MEGF6: variants seen among roughly 807,000 people sequenced by gnomAD.
MEGF6 encodes the protein multiple EGF like domains 6.
MEGF6 carries 184 observed loss-of-function variants against 207.1 expected under a neutral mutation model. That is an observed-to-expected ratio of 0.89 (90% CI 0.79 to 1.00). MEGF6 has a LOEUF of 1.00. MEGF6 is among the 50% of genes least tolerant of loss of function. The pLI, the probability that MEGF6 is intolerant of heterozygous loss-of-function variation, is 0.00. For missense variants in MEGF6, 2,282 were observed against 2,202.9 expected (o/e 1.04, Z -0.72); for synonymous variants, 1,038 against 910.0 (o/e 1.14, Z -2.53).
At chr1:3,492,433 G>A (rs573559482) in intron 35 of MEGF6, among the ~76,000 whole-genome samples, 1 of 152,168 alleles carries the variant, frequency 6.6e-6, no homozygotes, top group East Asian at 1.9e-4. Context: ...CTGGTTAAGT[G>A]ACTGTGAAGC....
chr1:3,519,760 G>C (rs369035683), intron 5 of MEGF6, among the ~76,000 whole-genome samples: 1 of 152,230 alleles, frequency 6.6e-6, no homozygotes. Context: ...CTCCCCTCCC[G>C]GGCCGGGCCT....
At chr1:3,596,156 G>A (rs548897050) in intron 2 of MEGF6, among the ~76,000 whole-genome samples, 24 of 152,164 alleles carry the variant, frequency 1.6e-4, no homozygotes, top group African/African-American at 4.1e-4. Flanking sequence ...AGGGCTTCCC[G>A]GAGGCAGTGT....
chr1:3,530,054 G>A (rs560931188), intron 4 of MEGF6, among the ~76,000 whole-genome samples: 1 of 152,342 alleles, frequency 6.6e-6, no homozygotes, highest in African/African-American at 2.4e-5. Context: ...CCCAGCTCCC[G>A]AGCGCCCAGC....
In MEGF6 at chr1:3,611,389, G is replaced by T; in HGVS notation, c.-121C>A. The stretch of plus-strand genomic sequence containing the variant: ...CAGGTGCCCGCGCCCGCTCCGCGGA[G>T]CCCAAGGTCGCTGCAGGTGCGGAGC... On this transcript the variant is annotated 5_prime_UTR_variant, in exon 1 of 37. Transcript: ENST00000356575. 1.6e-6 allele frequency: 2 copies of T among 1,278,148 alleles called. No homozygotes were observed. Among genetic ancestry groups the T allele is most frequent in the East Asian group, 3.2e-5 (1 of 31,422 alleles). The allele number at this position is 1,278,148 out of a possible 1,614,324, so 79.2% of individuals were successfully genotyped here. A position where few individuals can be genotyped will look rare whatever the true frequency, so the allele number is the denominator to read the frequency against.
Position 3,493,846 on chromosome 1 carries a change from C to G in MEGF6, c.4312G>C (p.Gly1438Arg), listed in dbSNP as rs61910697. ...GTGACAGGGTCACAGGGTGCCCCCC[C>G]GTCACAGTCACAGCGCTGGTGGCAG... ...EGCHQRCDCDGGAPCDPVTGL... is the reference protein window; with the variant it reads ...EGCHQRCDCDRGAPCDPVTGL... The change falls in exon 34 of 37, where the codon GGG becomes CGG. Residue 1438 changes from glycine to arginine, a missense_variant. Coordinates refer to ENST00000356575, the MANE Select transcript of MEGF6 (RefSeq NM_001409.4). The G allele has an allele frequency of 6.2e-7, 1 of 1,603,406 alleles. No individual in the cohort carries two copies. The highest frequency in any genetic ancestry group is 8.5e-7 in the Non-Finnish European group (1 of 1,175,816).
chr1:3,559,764 C>G (rs1643138781), intron 4 of MEGF6, among the ~76,000 whole-genome samples: 2 of 152,270 alleles, frequency 1.3e-5, no homozygotes, highest in South Asian at 2.1e-4. Flanking sequence ...GTAATCCCAA[C>G]ACTTCGGGAG....
chr1:3,590,568 C>T (rs552347218), intron 3 of MEGF6, among the ~76,000 whole-genome samples: 3 of 152,308 alleles, frequency 2.0e-5, no homozygotes, highest in East Asian at 1.9e-4. Context: ...GCCAGTCTCA[C>T]GGGCGTTAGC....
chr1:3,515,682 C>G (rs561954942), intron 5 of MEGF6, among the ~76,000 whole-genome samples, 155 bp from the exon 6 acceptor site: 2 of 152,264 alleles, frequency 1.3e-5, no homozygotes, highest in Non-Finnish European at 2.9e-5. Context: ...TCATCTCCAT[C>G]GTCACACGCT....
chr1:3,492,722 T>C lies in MEGF6; in HGVS notation c.4433A>G (p.Asp1478Gly). 1 of 1,612,572 alleles carries C rather than the reference T, an allele frequency of 6.2e-7. No homozygotes were observed. Among genetic ancestry groups the C allele is most frequent in the South Asian group, 1.1e-5 (1 of 91,078 alleles). Residue 1478 changes from aspartate (D) to glycine (G), a missense_variant, in exon 35 of 37, where the codon GAC (aspartate) becomes GGC (glycine). Physicochemically the swap from Asp to Gly is moderately conservative, Grantham distance 94 (BLOSUM62 -1). Coordinates refer to ENST00000356575, the MANE Select transcript of MEGF6 (RefSeq NM_001409.4). ...QFGPSCTLHC[D>G]CGGGADCDPV... is the part of the protein sequence containing the mutation. ...GTCGCAGTCAGCCCCACCCCCGCAG[T>C]CACAGTGCAGGGTGCAGCTGGGCCC...
At chr1:3,598,384 G>A (rs758359351) in intron 2 of MEGF6, among the ~76,000 whole-genome samples, 1 of 152,216 alleles carries the variant, frequency 6.6e-6, no homozygotes, top group Non-Finnish European at 1.5e-5. Flanking sequence ...CTCTGGGAGC[G>A]CCTTGCAAAC....
intron 2 of MEGF6, among the ~76,000 whole-genome samples, chr1:3,599,036 A>G (rs1403764395): frequency 6.6e-6 from 1 of 152,068 alleles, no homozygotes; most frequent in African/African-American, 2.4e-5. Flanking sequence ...TGGAGCACCC[A>G]TCACCCCGCG....
intron 33 of MEGF6, 29 bp from the exon 34 acceptor site, chr1:3,493,928 C>A (rs781090176): frequency 1.3e-6 from 2 of 1,582,328 alleles, no homozygotes; most frequent in African/African-American, 2.7e-5. Context: ...TCAGTGTCCC[C>A]CTCCTGTCCT....
chr1:3,620,561 A>G, the MEGF6 span, among the ~76,000 whole-genome samples: 1 of 152,230 alleles, frequency 6.6e-6, no homozygotes, highest in Non-Finnish European at 1.5e-5. Context: ...GCAGGGGCAG[A>G]GCCCTCATGG....
intron 25 of MEGF6, 38 bp downstream of exon 25, chr1:3,498,660 T>C (rs1295624836): frequency 2.0e-6 from 3 of 1,527,018 alleles, no homozygotes; most frequent in South Asian, 2.4e-5. Context: ...GCACCAAGCA[T>C]GCTGGGGTAT....
chr1:3,498,596 C>T (rs1266005858), intron 25 of MEGF6, 97 bp from the exon 26 acceptor site: 6 of 1,483,212 alleles, frequency 4.0e-6, no homozygotes, highest in Non-Finnish European at 5.4e-6. Context: ...GAAGCCTACA[C>T]CCCAGGGCGC....
intron 3 of MEGF6, among the ~76,000 whole-genome samples, chr1:3,581,982 G>T (rs974699058): frequency 2.0e-5 from 3 of 149,482 alleles, no homozygotes; most frequent in African/African-American, 7.3e-5. Flanking sequence ...AAGGGGAAAA[G>T]GGGCGTGCTT....
In MEGF6 at chr1:3,494,377, C is replaced by T. The variant is rs1480335017; in HGVS notation, c.4123G>A (p.Glu1375Lys). The change falls in exon 32 of 37, where the codon GAG becomes AAG. Residue 1375 changes from glutamate (E) to lysine (K), a missense_variant. By Grantham distance (56) the Glu-to-Lys change is moderately conservative. Coordinates refer to ENST00000356575, the MANE Select transcript of MEGF6 (RefSeq NM_001409.4). ...GCACAGGCCCCCAACTCACGGTGCT[C>T]GCAGGCCTGGCCATAGAAGCCGGGG... ...CGPGFYGQAC[E>K]HPCPPGFHGA... is the part of the protein sequence containing the mutation. The T allele has an allele frequency of 9.1e-6, 14 of 1,543,016 alleles. No individual in the cohort carries two copies. Among genetic ancestry groups the T allele is most frequent in the Non-Finnish European group, 1.1e-5 (13 of 1,148,562 alleles).
chr1:3,513,577 C>CTTTT (rs757815891), intron 7 of MEGF6, among the ~76,000 whole-genome samples: 1 of 56,540 alleles, frequency 1.8e-5, no homozygotes, highest in Non-Finnish European at 3.3e-5. Flanking sequence ...CACACCTGGG[C>CTTTT]TTTTTTTTTT....
At position 3,498,736 on chromosome 1, in the gene MEGF6, G is replaced by C; in HGVS notation, c.3185C>G (p.Ala1062Gly). The C allele has an allele frequency of 3.8e-6, 6 of 1,566,262 alleles. No homozygotes were observed. The highest frequency in any genetic ancestry group is 1.2e-5 in the South Asian group (1 of 85,628). Residue 1062 changes from alanine to glycine, a missense_variant, in exon 25 of 37, where the codon GCG (alanine) becomes GGG (glycine). Coordinates refer to ENST00000356575, the MANE Select transcript of MEGF6 (RefSeq NM_001409.4). ...GTCDPVSGHCACPEGWAGLAC... is the reference protein window; with the variant it reads ...GTCDPVSGHCGCPEGWAGLAC... ...CAGGCCGGCCCAGCCCTCTGGGCACGCACAGTGGCCTGAGACAGGGTCACA... is the reference window on the plus strand; with the variant it reads ...CAGGCCGGCCCAGCCCTCTGGGCACCCACAGTGGCCTGAGACAGGGTCACA...
Sources: gnomAD v4.1 joint callset for allele counts (sites outside exome capture counted in the v4.1 genomes callset) on GRCh38, gnomAD v4.1.1 for gene constraint, MANE v1.5 for transcripts, NCBI Gene and HGNC (gene_info 2026-07-23, HGNC 2026-07-21) for gene names.